The following BACH2 variants were observed in gnomAD, a reference collection of about 807,000 sequenced individuals.
The protein encoded by BACH2 is BACH transcriptional regulator 2.
In BACH2, 5 loss-of-function variants were observed where a neutral mutation model predicts 61.8. That is an observed-to-expected ratio of 0.08 (90% CI 0.04 to 0.17). BACH2 has a LOEUF of 0.17. BACH2 is among the 10% of genes least tolerant of loss of function. The pLI is 1.00. For missense variants in BACH2, 824 were observed against 1,091.1 expected (o/e 0.76, Z 3.45); for synonymous variants, 446 against 440.1 (o/e 1.01, Z -0.17).
At chr6:89,960,807 G>A (rs912166976) in intron 6 of BACH2, among the ~76,000 whole-genome samples, 7 of 152,216 alleles carry the variant, frequency 4.6e-5, no homozygotes, top group Admixed American at 6.5e-5. Context: ...AATGGCAGTC[G>A]GATGAAGCTG....
intron 5 of BACH2, among the ~76,000 whole-genome samples, chr6:90,071,542 A>G (rs1781227198): frequency 6.6e-6 from 1 of 152,208 alleles, no homozygotes; most frequent in Non-Finnish European, 1.5e-5. Flanking sequence ...GGTGTGAGAG[A>G]ACATGGCAGT....
rs778129101 is a variant in BACH2, at chr6:89,951,524, G to A, written c.582C>T (p.Ala194=). The A allele has an allele frequency of 5.5e-5, 89 of 1,614,086 alleles. No individual in the cohort carries two copies. Among genetic ancestry groups the A allele is most frequent in the Admixed American group, 8.3e-5 (5 of 60,010 alleles). Reference sequence around the variant, plus strand: ...CCTTCTCTGCTACGGGGATGGCGGCGGCCTCAAAGCTGATGGGCTCTGGAA... The same window carrying A: ...CCTTCTCTGCTACGGGGATGGCGGCAGCCTCAAAGCTGATGGGCTCTGGAA... The part of the protein sequence containing the change: ...QMLPEPISFE[A]AAIPVAEKEE... Residue 194 remains alanine (A), a synonymous_variant, in exon 7 of 9, where the codon GCC becomes GCT. Transcript: ENST00000257749. This position sits in a 1 kb window ranked among gnomAD's most constrained non-coding sequence, Gnocchi z 6.4.
chr6:89,947,570 C>CT (rs1350987737), intron 7 of BACH2, among the ~76,000 whole-genome samples: 216 of 144,908 alleles, frequency 1.5e-3, no homozygotes, highest in South Asian at 0.011. Flanking sequence ...ATTTTTCTTT[C>CT]TTTTTTTTTT....
chr6:90,014,895 T>C (rs1202969842), intron 5 of BACH2, among the ~76,000 whole-genome samples: 1 of 151,846 alleles, frequency 6.6e-6, no homozygotes, highest in Non-Finnish European at 1.5e-5. Flanking sequence ...CCTTCCTGTC[T>C]CAGGCTCCTG....
intron 5 of BACH2, among the ~76,000 whole-genome samples, chr6:90,057,379 C>T (rs368166567): frequency 9.7e-4 from 148 of 152,096 alleles, no homozygotes; most frequent in East Asian, 2.1e-3. Context: ...CTAGAAGAAA[C>T]GGATAAATTC....
At chr6:90,011,932 A>ATGTGTGTGTT (rs1777741886) in intron 5 of BACH2, among the ~76,000 whole-genome samples, 1 of 114,282 alleles carries the variant, frequency 8.8e-6, no homozygotes. Context: ...AAAAAAAAAT[A>ATGTGTGTGTT]TGTGTGTGTG....
chr6:90,199,496 T>C (rs546604171), intron 4 of BACH2, among the ~76,000 whole-genome samples: 43 of 152,352 alleles, frequency 2.8e-4, no homozygotes, highest in African/African-American at 9.1e-4. Flanking sequence ...ATTTATCTTA[T>C]CTCTCTTTCA....
intron 4 of BACH2, among the ~76,000 whole-genome samples, chr6:90,091,016 C>T (rs539415888): frequency 3.3e-5 from 5 of 152,254 alleles, no homozygotes; most frequent in Admixed American, 6.5e-5. Flanking sequence ...TCTCATTTAA[C>T]GCCAAGTGCA....
rs141080070 is a variant in BACH2 at position 90,201,335 on chromosome 6, C to T, written c.-162+5234G>A. On this transcript the variant is annotated intron_variant, in intron 4 of 8. Coordinates refer to ENST00000257749, the MANE Select transcript of BACH2 (RefSeq NM_021813.4). ...TGACAGAGCCTGATGTTCCCTACTCCCAACTTCACTGGGTAAATGTTACAA... is the reference window on the plus strand; with the variant it reads ...TGACAGAGCCTGATGTTCCCTACTCTCAACTTCACTGGGTAAATGTTACAA... 1.3e-3 allele frequency among the ~76,000 whole-genome samples: 202 copies of T among 152,268 alleles called. 1 individual carries two copies. The highest frequency in any genetic ancestry group is 4.5e-3 in the African/African-American group (187 of 41,548).
At chr6:90,091,316 T>C (rs1782148475) in intron 4 of BACH2, among the ~76,000 whole-genome samples, 1 of 152,182 alleles carries the variant, frequency 6.6e-6, no homozygotes, top group Non-Finnish European at 1.5e-5. Context: ...GGGAAGGCTA[T>C]AGCTCTTTGA....
In BACH2 at chr6:89,932,532, G is replaced by C. The variant is rs201359587; in HGVS notation, c.2402C>G (p.Pro801Arg). 2.5e-6 allele frequency: 4 copies of C among 1,614,076 alleles called. No homozygotes were observed. The South Asian group carries it at 4.4e-5, about 18-fold the overall frequency. Residue 801 changes from proline to arginine, a missense_variant, in exon 9 of 9, where the codon CCG (proline) becomes CGG (arginine). Physicochemically the swap from Pro to Arg is moderately radical, Grantham distance 103 (BLOSUM62 -2). This residue lies in a region of BACH2 where 135 missense variants were observed against 142.7 expected (regional missense o/e 0.95). Transcript: ENST00000257749. Reference sequence around the variant, plus strand: ...AGGTCCTCTCTCTGAGAAGGTTCCCGGGTCAGTGCCTTCTAGTCTCCTCCC... The same window carrying C: ...AGGTCCTCTCTCTGAGAAGGTTCCCCGGTCAGTGCCTTCTAGTCTCCTCCC... The part of the protein sequence containing the change: ...TSGRRLEGTD[P>R]GTFSERGPPL...
chr6:89,989,479 G>A (rs1776421355), intron 6 of BACH2, among the ~76,000 whole-genome samples: 1 of 152,164 alleles, frequency 6.6e-6, no homozygotes, highest in African/African-American at 2.4e-5. Flanking sequence ...AGGGCATACA[G>A]AGCGAGAGAG....
At chr6:90,210,590 G>A (rs768060937) in intron 3 of BACH2, among the ~76,000 whole-genome samples, 7 of 152,124 alleles carry the variant, frequency 4.6e-5, no homozygotes, top group Non-Finnish European at 8.8e-5. Flanking sequence ...TAAATATAAA[G>A]CATTAGGGAA....
intron 6 of BACH2, among the ~76,000 whole-genome samples, chr6:89,974,874 C>T (rs374512399): frequency 1.8e-4 from 27 of 152,268 alleles, no homozygotes; most frequent in African/African-American, 5.8e-4. Context: ...TATGTATCTT[C>T]ATGGTAGCTT....
At chr6:90,222,838 T>C (rs1228263816) in intron 3 of BACH2, among the ~76,000 whole-genome samples, 2 of 152,094 alleles carry the variant, frequency 1.3e-5, no homozygotes, top group East Asian at 3.9e-4. Flanking sequence ...AGTCAACTGC[T>C]CTGTCCTTAG....
intron 4 of BACH2, among the ~76,000 whole-genome samples, chr6:90,186,590 G>A (rs904652329): frequency 2.6e-5 from 4 of 152,026 alleles, no homozygotes; most frequent in Admixed American, 6.6e-5. Flanking sequence ...CAAGGTTATC[G>A]TAAAATATGC....
At chr6:90,265,044 T>C (rs1354909096) in intron 2 of BACH2, among the ~76,000 whole-genome samples, 3 of 152,248 alleles carry the variant, frequency 2.0e-5, no homozygotes, top group Non-Finnish European at 2.9e-5. Context: ...AGTCAGGATA[T>C]ATTTGGTGAG....
intron 6 of BACH2, among the ~76,000 whole-genome samples, chr6:89,972,892 C>G (rs1775444989): frequency 1.3e-5 from 2 of 152,146 alleles, no homozygotes; most frequent in Non-Finnish European, 2.9e-5. Flanking sequence ...AGTTCGAGAC[C>G]AGCCTGGCTA....
rs1227106751 is a variant in BACH2 at position 89,951,676 on chromosome 6, G to A, written c.430C>T (p.Arg144Trp). The change falls in exon 7 of 9, where the codon CGG becomes TGG. Residue 144 changes from arginine to tryptophan, a missense_variant. This residue lies in a region of BACH2 where 107 missense variants were observed against 121.7 expected (regional missense o/e 0.88). Coordinates refer to ENST00000257749, the MANE Select transcript of BACH2 (RefSeq NM_021813.4). The surrounding 1 kb of genome is among the most constrained non-coding windows in gnomAD (Gnocchi z 6.4). ...GGGCGCTGGCACGCAGCATCCTTCC[G>A]GCACACAAACAGGCCATCCTCACTG... ...LNSEDGLFVC[R>W]KDAACQRPHE... The A allele has an allele frequency of 7.4e-6, 12 of 1,614,046 alleles. No individual in the cohort carries two copies. The highest frequency in any genetic ancestry group is 1.7e-5 in the Admixed American group (1 of 60,004).
Sources: allele counts gnomAD v4.1 joint callset (sites outside exome capture counted in the v4.1 genomes callset), GRCh38; gene constraint gnomAD v4.1.1; regional missense constraint gnomAD v4.1.1; non-coding constraint Gnocchi (gnomAD v3.1); transcripts MANE v1.5; gene names NCBI Gene and HGNC (gene_info 2026-07-23, HGNC 2026-07-21).